AMOTL1: variants seen among roughly 807,000 people sequenced by gnomAD.
AMOTL1 encodes angiomotin like 1.
A neutral mutation model predicts 102.9 loss-of-function variants in AMOTL1; 45 were observed. That is an observed-to-expected ratio of 0.44 (90% confidence interval 0.34 to 0.56). AMOTL1 has a LOEUF of 0.56. AMOTL1 is among the 20% of genes least tolerant of loss of function. The pLI is 0.01. For synonymous variants in AMOTL1, 481 were observed against 484.7 expected (o/e 0.99, Z 0.10); for missense variants, 1,114 against 1,225.6 (o/e 0.91, Z 1.36).
chr11:94,875,224 T>C lies in AMOTL1; in HGVS notation c.*4429T>C, dbSNP rs575405901. 5.9e-5 allele frequency: 9 copies of C among 152,246 alleles called. No individual in the cohort carries two copies. Among genetic ancestry groups the C allele is most frequent in the Non-Finnish European group, 1.3e-4 (9 of 68,036 alleles). 9.4% of individuals were successfully genotyped at this position (152,246 alleles called of 1,614,324 possible). On this transcript the variant is annotated 3_prime_UTR_variant, in exon 13 of 13. Coordinates refer to ENST00000433060, the MANE Select transcript of AMOTL1 (RefSeq NM_130847.3). ...GTGGCTCCATGGGAGATAGGCAAAG[T>C]AATTAAGAAGTTACCAGAAATTGGT...
chr11:94,808,965 CTTTTTTTTTTTTTTT>C (rs199619372), intron 3 of AMOTL1, among the ~76,000 whole-genome samples: 1 of 111,894 alleles, frequency 8.9e-6, no homozygotes, highest in Non-Finnish European at 1.8e-5. Context: ...TTCTTTCTTT[CTTTTTTTTTTTTTTT>C]TTTTTTTTGA....
chr11:94,787,790 A>G (rs1388767390), intron 1 of AMOTL1, among the ~76,000 whole-genome samples: 2 of 150,802 alleles, frequency 1.3e-5, no homozygotes, highest in African/African-American at 2.4e-5. Context: ...AAATAAGTCT[A>G]TCAGAGATTC....
At chr11:94,742,305 C>T (rs980822660) in intron 3 of AMOTL1, among the ~76,000 whole-genome samples, 2 of 152,228 alleles carry the variant, frequency 1.3e-5, no homozygotes, top group Non-Finnish European at 2.9e-5. Context: ...ATGATCTGCT[C>T]CACGCATGTA....
At chr11:94,869,618 T>G in intron 12 of AMOTL1, 145 bp downstream of exon 12, 1 of 956,402 alleles carries the variant, frequency 1.0e-6, no homozygotes. Context: ...TTAGGATATG[T>G]GTGCCCTTTC....
At chr11:94,740,931 C>G (rs1462627731) in intron 2 of AMOTL1, 11 of 1,289,018 alleles carry the variant, frequency 8.5e-6, no homozygotes, top group Middle Eastern at 2.1e-4. Context: ...CTTTTCTTCT[C>G]CCCCAGACAG....
intron 3 of AMOTL1, among the ~76,000 whole-genome samples, chr11:94,817,051 A>T (rs1401353420): frequency 1.3e-5 from 2 of 152,228 alleles, no homozygotes; most frequent in Admixed American, 1.3e-4. Flanking sequence ...GGTTATAAAG[A>T]TTATAAAAAG....
chr11:94,750,557 G>T (rs1292693423), intron 3 of AMOTL1, among the ~76,000 whole-genome samples: 1 of 152,166 alleles, frequency 6.6e-6, no homozygotes, highest in Admixed American at 6.5e-5. Flanking sequence ...TGGGCTACGT[G>T]TGCGTAGCCT....
chr11:94,808,735 A>G (rs572155173), intron 3 of AMOTL1, among the ~76,000 whole-genome samples: 1 of 152,360 alleles, frequency 6.6e-6, no homozygotes, highest in East Asian at 1.9e-4. Context: ...GAAATGTAAC[A>G]TGAGCCACAT....
chr11:94,818,678 C>A (rs1184030748), intron 3 of AMOTL1, among the ~76,000 whole-genome samples: 10 of 152,138 alleles, frequency 6.6e-5, no homozygotes, highest in Admixed American at 1.3e-4. Flanking sequence ...TAATGTTTTT[C>A]AATGTTTATT....
At chr11:94,776,114 T>A (rs1471773225) in intron 1 of AMOTL1, among the ~76,000 whole-genome samples, 1 of 152,210 alleles carries the variant, frequency 6.6e-6, no homozygotes, top group Non-Finnish European at 1.5e-5. Context: ...CCACCTTGGA[T>A]CCGTTCCACT....
rs777313601 is a variant in AMOTL1 at position 94,872,424 on chromosome 11, A to G, written c.*1629A>G. 5.3e-5 allele frequency: 8 copies of G among 152,262 alleles called. No homozygotes were observed. Among genetic ancestry groups the G allele is most frequent in the Non-Finnish European group, 8.8e-5 (6 of 68,082 alleles). The allele number at this position is 152,262 out of a possible 1,614,324, so 9.4% of individuals were successfully genotyped here. ...GGGGTACCTCTTCCAAGTACCTTCT[A>G]AATGAAACACTCAAGAGAGTGCTAC... On this transcript the variant is annotated 3_prime_UTR_variant, in exon 13 of 13. Coordinates refer to ENST00000433060, the MANE Select transcript of AMOTL1 (RefSeq NM_130847.3).
chr11:94,793,941 C>G, intron 1 of AMOTL1, among the ~76,000 whole-genome samples: 1 of 152,180 alleles, frequency 6.6e-6, no homozygotes, highest in African/African-American at 2.4e-5. Context: ...AATACTGTTT[C>G]ATATGTTGAG....
intron 6 of AMOTL1, among the ~76,000 whole-genome samples, chr11:94,838,567 G>A (rs182153608): frequency 6.6e-6 from 1 of 152,146 alleles, no homozygotes; most frequent in Non-Finnish European, 1.5e-5. Flanking sequence ...TGTGGGCTGG[G>A]TTTGGCCTGC....
intron 1 of AMOTL1, among the ~76,000 whole-genome samples, chr11:94,716,511 C>G (rs1294508785): frequency 2.6e-5 from 4 of 152,086 alleles, no homozygotes; most frequent in African/African-American, 7.2e-5. Context: ...TGGGGCTTAG[C>G]GTATAAGTTC....
chr11:94,832,780 C>T (rs1036204825), intron 6 of AMOTL1, among the ~76,000 whole-genome samples: 22 of 152,300 alleles, frequency 1.4e-4, no homozygotes, highest in African/African-American at 4.8e-4. Context: ...TCTGGATGAC[C>T]GCATGCCTAG....
chr11:94,832,276 G>A (rs1335482155), intron 6 of AMOTL1, among the ~76,000 whole-genome samples: 1 of 152,170 alleles, frequency 6.6e-6, no homozygotes, highest in East Asian at 1.9e-4. Flanking sequence ...AAGATTATGA[G>A]TAAGTGCTCA....
intron 6 of AMOTL1, among the ~76,000 whole-genome samples, chr11:94,834,500 A>G (rs1008917393): frequency 6.6e-6 from 1 of 152,160 alleles, no homozygotes; most frequent in Non-Finnish European, 1.5e-5. Context: ...GCTGAGGCAG[A>G]AGAATGGCGT....
intron 2 of AMOTL1, among the ~76,000 whole-genome samples, chr11:94,731,222 T>A (rs1371135509): frequency 6.6e-6 from 1 of 152,158 alleles, no homozygotes; most frequent in African/African-American, 2.4e-5. Context: ...TACCATAATA[T>A]CTGGTTCCAG....
At chr11:94,733,800 C>T (rs1289959707) in intron 2 of AMOTL1, among the ~76,000 whole-genome samples, 2 of 152,198 alleles carry the variant, frequency 1.3e-5, no homozygotes, top group African/African-American at 2.4e-5. Context: ...GAGTGTAAGT[C>T]GGAAGTGTAT....
Sources: gnomAD v4.1 joint callset for allele counts (sites outside exome capture counted in the v4.1 genomes callset) on GRCh38, gnomAD v4.1.1 for gene constraint, MANE v1.5 for transcripts, NCBI Gene and HGNC (gene_info 2026-07-23, HGNC 2026-07-21) for gene names.